KEAP1: variants seen among roughly 807,000 people sequenced by gnomAD.
The protein encoded by KEAP1 is kelch-like ECH-associated protein 1.
KEAP1 carries 26 observed loss-of-function variants against 59.7 expected under a neutral mutation model. That is an observed-to-expected ratio of 0.44 (90% CI 0.32 to 0.60). KEAP1 has a LOEUF of 0.60. Ranked by LOEUF, KEAP1 falls within the 20% of genes least tolerant of loss-of-function variation. KEAP1 has a pLI of 0.06. For synonymous variants in KEAP1, 350 were observed against 358.3 expected (o/e 0.98, Z 0.26); for missense variants, 539 against 871.4 (o/e 0.62, Z 4.80).
At chr19:10,493,414 A>G (rs559965500) in intron 2 of KEAP1, among the ~76,000 whole-genome samples, 13 of 151,762 alleles carry the variant, frequency 8.6e-5, no homozygotes, top group East Asian at 2.0e-4. Flanking sequence ...CACCCGCCTT[A>G]GCCTCCCAAA....
chr19:10,489,684 T>C lies in KEAP1; in HGVS notation c.1495A>G (p.Met499Val), dbSNP rs2144589627. The C allele has an allele frequency of 2.5e-6, 4 of 1,613,966 alleles. No homozygotes were observed. Among genetic ancestry groups the C allele is most frequent in the East Asian group, 4.5e-5 (2 of 44,870 alleles). ...CGGATGGTGTTCATTGCTGTGATCA[T>C]TCGCCACTCGTTCCTCTCTGGGTAG... ...CYYPERNEWR[M>V]ITAMNTIRSG... The change falls in exon 4 of 6, where the codon ATG becomes GTG. Residue 499 changes from methionine to valine, a missense_variant. Physicochemically the swap from Met to Val is conservative, Grantham distance 21. Transcript: ENST00000171111.
At chr19:10,494,102 C>A (rs1185417348) in intron 2 of KEAP1, among the ~76,000 whole-genome samples, 1 of 151,936 alleles carries the variant, frequency 6.6e-6, no homozygotes, top group East Asian at 1.9e-4. Flanking sequence ...CCACCACGCA[C>A]AGCTAATTTT....
At position 10,500,028 on chromosome 19, in the gene KEAP1, C is replaced by T. The variant is rs2144631748; in HGVS notation, c.6G>A (p.Gln2=). 2 of 1,543,834 alleles carry T rather than the reference C, an allele frequency of 1.3e-6. No individual in the cohort carries two copies. Among genetic ancestry groups the T allele is most frequent in the Non-Finnish European group, 1.7e-6 (2 of 1,144,128 alleles). Residue 2 remains glutamine, a synonymous_variant, in exon 2 of 6, where the codon CAG becomes CAA. Coordinates refer to ENST00000171111, the MANE Select transcript of KEAP1 (RefSeq NM_203500.2). The stretch of plus-strand genomic sequence containing the variant: ...CAGCCCCGCTAGGCCTGGGATCTGG[C>T]TGCATGGGGTTCCAGAAGATAAGCA... M[Q]PDPRPSGAGA...
intron 1 of KEAP1, among the ~76,000 whole-genome samples, chr19:10,500,313 T>C (rs557815779): frequency 1.3e-5 from 2 of 152,304 alleles, no homozygotes; most frequent in African/African-American, 4.8e-5. Context: ...GATCCTCCAA[T>C]GCCTCCCACA....
intron 3 of KEAP1, 99 bp from the exon 4 acceptor site, chr19:10,489,952 CCCTTAAAGA>C: frequency 7.5e-6 from 9 of 1,203,666 alleles, no homozygotes; most frequent in Non-Finnish European, 1.0e-5. Context: ...TTTTTTTTCC[CCCTTAAAGA>C]GACAGGTTCA....
chr19:10,499,838 T>A lies in KEAP1; in HGVS notation c.196A>T (p.Ile66Phe), dbSNP rs1398767606. 1 of 1,613,978 alleles carries A rather than the reference T, an allele frequency of 6.2e-7. No individual in the cohort carries two copies. Among genetic ancestry groups the A allele is most frequent in the Non-Finnish European group, 8.5e-7 (1 of 1,180,026 alleles). The change falls in exon 2 of 6, where the codon ATC becomes TTC. Residue 66 changes from isoleucine (I) to phenylalanine (F), a missense_variant. Coordinates refer to ENST00000171111, the MANE Select transcript of KEAP1 (RefSeq NM_203500.2). This position sits in a 1 kb window ranked among gnomAD's most constrained non-coding sequence, Gnocchi z 6.7. ...LEDHTKQAFG[I>F]MNELRLSQQL... ...TGGCTGAGCCGCAGCTCGTTCATGATGCCAAAGGCCTGCTTGGTATGATCC... is the reference window on the plus strand; with the variant it reads ...TGGCTGAGCCGCAGCTCGTTCATGAAGCCAAAGGCCTGCTTGGTATGATCC...
chr19:10,501,829 G>A (rs1451884609), intron 1 of KEAP1, among the ~76,000 whole-genome samples: 1 of 152,000 alleles, frequency 6.6e-6, no homozygotes, highest in East Asian at 2.0e-4. Context: ...TACAGGCATA[G>A]GCTGCTGTGC....
In KEAP1 at chr19:10,492,954, T is replaced by C. The variant is rs564086408; in HGVS notation, c.640-692A>G. Among the ~76,000 whole-genome samples the C allele has an allele frequency of 5.9e-5, 9 of 151,332 alleles. 1 individual carries two copies. The South Asian group carries it at 1.9e-3, about 32-fold the overall frequency. On this transcript the variant is annotated intron_variant, in intron 2 of 5. Transcript: ENST00000171111. Reference sequence around the variant, plus strand: ...CTCCTGCCTCAGCCTCTCAAGTAGCTGACATTACAGGCACCTACCACCATG... The same window carrying C: ...CTCCTGCCTCAGCCTCTCAAGTAGCCGACATTACAGGCACCTACCACCATG...
intron 2 of KEAP1, among the ~76,000 whole-genome samples, chr19:10,495,290 G>A (rs918407995): frequency 3.9e-5 from 6 of 152,058 alleles, no homozygotes; most frequent in African/African-American, 7.2e-5. Flanking sequence ...GAGATTATAC[G>A]CACGAGCCAA....
intron 2 of KEAP1, among the ~76,000 whole-genome samples, chr19:10,496,843 G>A (rs540227259): frequency 4.0e-5 from 6 of 151,474 alleles, no homozygotes; most frequent in Non-Finnish European, 8.8e-5. Context: ...GGGCGTGGGC[G>A]CAGTGTCTCA....
rs180938556 is a variant in KEAP1 at position 10,489,618 on chromosome 19, G to T, written c.1531+30C>A. 8 of 1,608,882 alleles carry T rather than the reference G, an allele frequency of 5.0e-6. No individual in the cohort carries two copies. The African/African-American group carries it at 6.7e-5, about 13-fold the overall frequency. ...CCCAGGATGGTAGGGGGTGTTCCTGGGTGCTCCCCTCCCTACCGTCCCCAC... is the reference window on the plus strand; with the variant it reads ...CCCAGGATGGTAGGGGGTGTTCCTGTGTGCTCCCCTCCCTACCGTCCCCAC... On this transcript the variant is annotated intron_variant, in intron 4 of 5. Coordinates refer to ENST00000171111, the MANE Select transcript of KEAP1 (RefSeq NM_203500.2).
intron 4 of KEAP1, 129 bp from the exon 5 acceptor site, chr19:10,489,497 G>C: frequency 2.4e-6 from 3 of 1,247,468 alleles, no homozygotes; most frequent in Non-Finnish European, 2.2e-6. Flanking sequence ...CGGGGAGAGA[G>C]AGAAGCTTGG....
chr19:10,492,475 T>C, intron 2 of KEAP1: 1 of 550,084 alleles, frequency 1.8e-6, no homozygotes. Flanking sequence ...TGCCAGCACT[T>C]TGGGAGGCCG....
chr19:10,489,453 T>C, intron 4 of KEAP1, 85 bp from the exon 5 acceptor site: 1 of 1,385,198 alleles, frequency 7.2e-7, no homozygotes, highest in Non-Finnish European at 1.0e-6. Flanking sequence ...AGACCTTTCC[T>C]CTCTCCTCTC....
chr19:10,488,715 G>A (rs1017035833), intron 5 of KEAP1, among the ~76,000 whole-genome samples: 4 of 151,976 alleles, frequency 2.6e-5, no homozygotes, highest in Admixed American at 6.6e-5. Flanking sequence ...GGTGGATCAC[G>A]AGGTCAGGAG....
intron 2 of KEAP1, among the ~76,000 whole-genome samples, chr19:10,493,398 G>A (rs1192781745): frequency 6.6e-6 from 1 of 151,892 alleles, no homozygotes; most frequent in East Asian, 1.9e-4. Flanking sequence ...TCCTGACCTT[G>A]TGATCCACCC....
chr19:10,496,460 T>C lies in KEAP1; in HGVS notation c.639+2935A>G, dbSNP rs150950776. 5.6e-3 allele frequency among the ~76,000 whole-genome samples: 827 copies of C among 146,736 alleles called. 5 individuals carry two copies. Among genetic ancestry groups the C allele is most frequent in the African/African-American group, 0.019 (762 of 39,338 alleles). ...GCAGTGAGCCGAGATCATGCCACTA[T>C]ACTCCAGCCTGATGACAGAGTGAGA... On this transcript the variant is annotated intron_variant, in intron 2 of 5. Transcript: ENST00000171111.
At chr19:10,487,895 G>A (rs1406584587) in intron 5 of KEAP1, among the ~76,000 whole-genome samples, 3 of 152,168 alleles carry the variant, frequency 2.0e-5, no homozygotes, top group South Asian at 2.1e-4. Flanking sequence ...CTGGGAGGCC[G>A]AGGCGGGCAG....
chr19:10,493,840 C>T (rs1476630615), intron 2 of KEAP1, among the ~76,000 whole-genome samples: 10 of 151,976 alleles, frequency 6.6e-5, no homozygotes, highest in East Asian at 1.9e-4. Context: ...GGATTACAAG[C>T]GTGAGCCACC....
Sources: allele counts gnomAD v4.1 joint callset (sites outside exome capture counted in the v4.1 genomes callset), GRCh38; gene constraint gnomAD v4.1.1; non-coding constraint Gnocchi (gnomAD v3.1); transcripts MANE v1.5; gene names NCBI Gene and HGNC (gene_info 2026-07-23, HGNC 2026-07-21).